The following JAKMIP1 variants were observed in gnomAD, a reference collection of about 807,000 sequenced individuals.
JAKMIP1 encodes janus kinase and microtubule-interacting protein 1.
Under a neutral mutation model 113.0 loss-of-function variants are expected in JAKMIP1, and 33 were observed. That is an observed-to-expected ratio of 0.29 (90% CI 0.22 to 0.39). The LOEUF is 0.39. Ranked by LOEUF, JAKMIP1 falls within the 10% of genes least tolerant of loss-of-function variation. The pLI, the probability that JAKMIP1 is intolerant of heterozygous loss-of-function variation, is 1.00. For missense variants in JAKMIP1, 813 were observed against 1,080.5 expected, an observed-to-expected ratio of 0.75 and a Z score of 3.47; for synonymous variants, 480 against 459.9, an observed-to-expected ratio of 1.04 and a Z score of -0.56.
chr4:6,063,831 G>A (rs1001915780), intron 9 of JAKMIP1, among the ~76,000 whole-genome samples: 1 of 152,244 alleles, frequency 6.6e-6, no homozygotes, highest in African/African-American at 2.4e-5. Context: ...GGACCATTCA[G>A]AGACTCGGGA....
intron 19 of JAKMIP1, among the ~76,000 whole-genome samples, chr4:6,032,864 C>CG (rs917910869): frequency 6.6e-6 from 1 of 152,026 alleles, no homozygotes; most frequent in African/African-American, 2.4e-5. Flanking sequence ...CAGCGGGAGG[C>CG]GGGGGTGCTG....
At chr4:6,029,023 T>A (rs969264694) in intron 20 of JAKMIP1, among the ~76,000 whole-genome samples, 2 of 152,184 alleles carry the variant, frequency 1.3e-5, no homozygotes, top group African/African-American at 4.8e-5. Context: ...GGCAATACCA[T>A]GATAAAACTG....
chr4:6,148,092 G>A (rs77723444), intron 1 of JAKMIP1, among the ~76,000 whole-genome samples: 4,098 of 152,262 alleles, frequency 0.027, 141 homozygotes, highest in African/African-American at 0.083. Context: ...AGAATAGCGA[G>A]TGCAGAAGTG....
Position 6,035,359 on chromosome 4 carries a change from G to A in JAKMIP1, c.2379+545C>T, listed in dbSNP as rs144409550. Among the ~76,000 whole-genome samples, 104 of 152,196 alleles carry A rather than the reference G, an allele frequency of 6.8e-4. No homozygotes were observed. The East Asian group carries it at 0.017, about 25-fold the overall frequency. ...GGAGCCACTGCCCGACACATGGTGA[G>A]CGCCCGACAAATGCTCTGCATGATG... On this transcript the variant is annotated intron_variant, in intron 19 of 20. Transcript: ENST00000409021.
At chr4:6,182,853 C>T (rs555612173) in intron 1 of JAKMIP1, among the ~76,000 whole-genome samples, 1 of 152,314 alleles carries the variant, frequency 6.6e-6, no homozygotes, top group East Asian at 1.9e-4. Flanking sequence ...CAAACACTTC[C>T]TATAACTCCA....
chr4:6,161,086 T>C (rs1323746006), intron 1 of JAKMIP1, among the ~76,000 whole-genome samples: 6 of 105,134 alleles, frequency 5.7e-5, no homozygotes, highest in African/African-American at 2.0e-4. Flanking sequence ...ACTCACCTCC[T>C]CCGAGCTCCA....
intron 13 of JAKMIP1, 48 bp downstream of exon 13, chr4:6,054,002 G>A: frequency 6.2e-7 from 1 of 1,614,004 alleles, no homozygotes; most frequent in African/African-American, 1.3e-5. Context: ...TGGGTTCAAA[G>A]AGAATGTCTG....
At chr4:6,114,252 A>G (rs1715403797) in intron 1 of JAKMIP1, among the ~76,000 whole-genome samples, 3 of 152,232 alleles carry the variant, frequency 2.0e-5, no homozygotes, top group African/African-American at 7.2e-5. Flanking sequence ...GAAGGCCATG[A>G]ACAGGACAGA....
At position 6,153,247 on chromosome 4, in the gene JAKMIP1, G is replaced by A. The variant is rs187294990; in HGVS notation, c.-147-40250C>T. Reference sequence around the variant, plus strand: ...CTGATTCCTACTCAGAGGCCCCAACGTCCCTGCCTCTCAGCCTCAGCTCCA... The same window carrying A: ...CTGATTCCTACTCAGAGGCCCCAACATCCCTGCCTCTCAGCCTCAGCTCCA... On this transcript the variant is annotated intron_variant, in intron 1 of 20. Transcript: ENST00000409021. This position sits in a 1 kb window ranked among gnomAD's most constrained non-coding sequence, Gnocchi z 4.9. 3.9e-5 allele frequency among the ~76,000 whole-genome samples: 6 copies of A among 152,212 alleles called. No homozygotes were observed. Among genetic ancestry groups the A allele is most frequent in the Admixed American group, 6.5e-5 (1 of 15,294 alleles).
chr4:6,039,942 T>C (rs1416132755), intron 18 of JAKMIP1, among the ~76,000 whole-genome samples: 1 of 152,232 alleles, frequency 6.6e-6, no homozygotes, highest in Non-Finnish European at 1.5e-5. Flanking sequence ...ACAAATGATC[T>C]GGGCAGAGAT....
intron 1 of JAKMIP1, among the ~76,000 whole-genome samples, chr4:6,131,173 A>AAAAAAAAAAT (rs71173409): frequency 6.3e-5 from 6 of 95,470 alleles, no homozygotes; most frequent in African/African-American, 2.3e-4. Context: ...AAAAAAAAAA[A>AAAAAAAAAAT]AATATCCCAG....
In JAKMIP1 at chr4:6,129,650, C is replaced by T. The variant is rs949566623; in HGVS notation, c.-147-16653G>A. Among the ~76,000 whole-genome samples the T allele has an allele frequency of 2.6e-5, 4 of 151,992 alleles. No homozygotes were observed. The highest frequency in any genetic ancestry group is 7.3e-5 in the African/African-American group (3 of 41,368). On this transcript the variant is annotated intron_variant, in intron 1 of 20. Transcript: ENST00000409021. The surrounding 1 kb of genome is among the most constrained non-coding windows in gnomAD (Gnocchi z 5.4). ...TTTGTCCAGACCCCCACTCAGCTGC[C>T]GTTCTCAATATTTCCCTACACAGAT...
Position 6,065,134 on chromosome 4 carries a change from G to T in JAKMIP1, c.1303-126C>A. On this transcript the variant is annotated intron_variant, in intron 8 of 20. Coordinates refer to ENST00000409021, the MANE Select transcript of JAKMIP1 (RefSeq NM_001099433.2). The surrounding 1 kb of genome is among the most constrained non-coding windows in gnomAD (Gnocchi z 5.1). Reference sequence around the variant, plus strand: ...CATTTGGGCCACTGGGGCATCACAAGATGCGGTTGGTGGGCTTCGTAACTG... The same window carrying T: ...CATTTGGGCCACTGGGGCATCACAATATGCGGTTGGTGGGCTTCGTAACTG... 1 of 1,196,122 alleles carries T rather than the reference G, an allele frequency of 8.4e-7. No homozygotes were observed. Among genetic ancestry groups the T allele is most frequent in the Non-Finnish European group, 1.2e-6 (1 of 823,572 alleles). 74.1% of individuals were successfully genotyped at this position (1,196,122 alleles called of 1,614,324 possible).
Position 6,175,295 on chromosome 4 carries a change from AT to A in JAKMIP1, c.-148+24957del, listed in dbSNP as rs1236628499. 5.3e-5 allele frequency among the ~76,000 whole-genome samples: 8 copies of A among 152,138 alleles called. 1 individual carries two copies. Among genetic ancestry groups the A allele is most frequent in the Admixed American group, 5.2e-4 (8 of 15,274 alleles). On this transcript the variant is annotated intron_variant, in intron 1 of 20. Coordinates refer to ENST00000409021, the MANE Select transcript of JAKMIP1 (RefSeq NM_001099433.2). Reference sequence around the variant, plus strand: ...CGGGACACAAGTAAGTGAGCTCCAAATGGGGTCCCTTCATTCCGCAATAAAA... The same window carrying A: ...CGGGACACAAGTAAGTGAGCTCCAAAGGGGTCCCTTCATTCCGCAATAAAA...
rs1287348336 is a variant in JAKMIP1, at chr4:6,180,788, T to C, written c.-148+19465A>G. 1.3e-5 allele frequency among the ~76,000 whole-genome samples: 2 copies of C among 152,132 alleles called. No individual in the cohort carries two copies. The highest frequency in any genetic ancestry group is 2.9e-5 in the Non-Finnish European group (2 of 68,012). On this transcript the variant is annotated intron_variant, in intron 1 of 20. Coordinates refer to ENST00000409021, the MANE Select transcript of JAKMIP1 (RefSeq NM_001099433.2). The surrounding 1 kb of genome is among the most constrained non-coding windows in gnomAD (Gnocchi z 4.5). ...AGTGACATTTAATTTTCTGTCAACG[T>C]GCTTTGTTCTCAGAGGGCCATGGCA...
At position 6,192,280 on chromosome 4, in the gene JAKMIP1, T is replaced by C. The variant is rs111279893; in HGVS notation, c.-148+7973A>G. ...TCCATCTCAGTCCACAGGAGCCGCA[T>C]TGCAGTGCTCAATAGCCCCTACCGG... is the stretch of plus-strand genomic sequence containing the variant. On this transcript the variant is annotated intron_variant, in intron 1 of 20. Transcript: ENST00000409021. The surrounding 1 kb of genome is among the most constrained non-coding windows in gnomAD (Gnocchi z 5.0). 0.019 allele frequency among the ~76,000 whole-genome samples: 2,957 copies of C among 152,258 alleles called. 89 individuals are homozygous for C. The highest frequency in any genetic ancestry group is 0.067 in the African/African-American group (2,771 of 41,536).
chr4:6,057,491 T>C (rs1222320535), intron 11 of JAKMIP1, among the ~76,000 whole-genome samples: 1 of 152,190 alleles, frequency 6.6e-6, no homozygotes, highest in East Asian at 1.9e-4. Flanking sequence ...CCCAAGCACA[T>C]GGAATGCACA....
intron 1 of JAKMIP1, among the ~76,000 whole-genome samples, chr4:6,169,504 A>G (rs61161068): frequency 0.01 from 1,556 of 152,174 alleles, 22 homozygotes; most frequent in African/African-American, 0.035. Flanking sequence ...GGCCCTGCCC[A>G]CACCTTCATC....
chr4:6,122,722 C>T (rs1487503947), intron 1 of JAKMIP1, among the ~76,000 whole-genome samples: 1 of 152,172 alleles, frequency 6.6e-6, no homozygotes, highest in East Asian at 1.9e-4. Context: ...GAGGACAGCA[C>T]CCAGCCCATG....
Sources: allele counts gnomAD v4.1 joint callset (sites outside exome capture counted in the v4.1 genomes callset), GRCh38; gene constraint gnomAD v4.1.1; non-coding constraint Gnocchi (gnomAD v3.1); transcripts MANE v1.5; gene names NCBI Gene and HGNC (gene_info 2026-07-23, HGNC 2026-07-21).